The following CNTNAP2 variants were observed in gnomAD, a reference collection of about 807,000 sequenced individuals.
CNTNAP2 encodes the protein contactin-associated protein-like 2.
In CNTNAP2, 98 loss-of-function variants were observed where a neutral mutation model predicts 155.2. The observed-to-expected ratio is 0.63, with a 90% confidence interval of 0.54 to 0.75. The LOEUF (loss-of-function observed/expected upper bound fraction) is 0.75. CNTNAP2 is among the 30% of genes least tolerant of loss of function. The pLI is 0.00. For missense variants in CNTNAP2, 1,727 were observed against 1,688.1 expected, an observed-to-expected ratio of 1.02 and a Z score of -0.40; for synonymous variants, 651 against 631.2, an observed-to-expected ratio of 1.03 and a Z score of -0.47.
intron 21 of CNTNAP2, among the ~76,000 whole-genome samples, chr7:148,379,335 C>T (rs1432516973): frequency 6.6e-6 from 1 of 152,036 alleles, no homozygotes; most frequent in Non-Finnish European, 1.5e-5. Context: ...CCATGGAATA[C>T]ACAAGAAGAA....
At chr7:146,576,030 C>T (rs1389471662) in intron 1 of CNTNAP2, among the ~76,000 whole-genome samples, 1 of 152,172 alleles carries the variant, frequency 6.6e-6, no homozygotes, top group Non-Finnish European at 1.5e-5. Context: ...GTGCTGGCAT[C>T]TGGCCTGAAA....
At chr7:147,892,654 C>T (rs543484737) in intron 13 of CNTNAP2, among the ~76,000 whole-genome samples, 1 of 152,304 alleles carries the variant, frequency 6.6e-6, no homozygotes, top group South Asian at 2.1e-4. Flanking sequence ...TTTGATTCTA[C>T]TGCATCAAAT....
chr7:146,661,250 C>G (rs1025627649), intron 1 of CNTNAP2, among the ~76,000 whole-genome samples: 10 of 152,018 alleles, frequency 6.6e-5, no homozygotes, highest in Admixed American at 2.0e-4. Context: ...CACACTTTCA[C>G]TAATTTTAAT....
chr7:146,229,394 G>A (rs530134989), intron 1 of CNTNAP2, among the ~76,000 whole-genome samples: 1 of 152,160 alleles, frequency 6.6e-6, no homozygotes, highest in African/African-American at 2.4e-5. Context: ...CAGATGCTAC[G>A]AGGACACCCC....
intron 4 of CNTNAP2, among the ~76,000 whole-genome samples, chr7:147,103,629 T>C (rs1800697145): frequency 2.0e-5 from 3 of 152,038 alleles, no homozygotes; most frequent in African/African-American, 7.2e-5. Context: ...AAATTTAAAG[T>C]TCCAAATTTA....
intron 11 of CNTNAP2, among the ~76,000 whole-genome samples, chr7:147,534,981 T>C (rs567823632): frequency 1.9e-4 from 29 of 152,296 alleles, no homozygotes; most frequent in African/African-American, 7.0e-4. Context: ...GTCTGGGGCC[T>C]GACTCTTCCC....
chr7:146,871,054 T>A (rs184701715), intron 3 of CNTNAP2, among the ~76,000 whole-genome samples: 1 of 152,326 alleles, frequency 6.6e-6, no homozygotes, highest in East Asian at 1.9e-4. Flanking sequence ...GAGATCTGTG[T>A]GTGAAATGTA....
At chr7:147,991,621 T>C (rs1461130519) in intron 15 of CNTNAP2, among the ~76,000 whole-genome samples, 2 of 152,220 alleles carry the variant, frequency 1.3e-5, no homozygotes, top group Non-Finnish European at 2.9e-5. Flanking sequence ...ATACATTCTT[T>C]GGCAATTCTA....
chr7:146,695,637 G>A (rs923894123), intron 1 of CNTNAP2, among the ~76,000 whole-genome samples: 1 of 151,870 alleles, frequency 6.6e-6, no homozygotes, highest in African/African-American at 2.4e-5. Flanking sequence ...GTGTTGCCTA[G>A]TCTGGTCTTG....
intron 1 of CNTNAP2, among the ~76,000 whole-genome samples, chr7:146,672,015 CA>C (rs919728323): frequency 1.6e-4 from 24 of 152,078 alleles, no homozygotes; most frequent in African/African-American, 5.8e-4. Flanking sequence ...GGGGTTTCAC[CA>C]TCTTGGCCAG....
intron 1 of CNTNAP2, among the ~76,000 whole-genome samples, chr7:146,545,436 C>T (rs139362378): frequency 1.6e-4 from 25 of 151,714 alleles, no homozygotes; most frequent in African/African-American, 4.6e-4. Flanking sequence ...TGGTTGGCTG[C>T]ACCCATCAAC....
intron 5 of CNTNAP2, among the ~76,000 whole-genome samples, chr7:147,110,020 G>A (rs1800844728): frequency 6.6e-6 from 1 of 152,054 alleles, no homozygotes; most frequent in African/African-American, 2.4e-5. Flanking sequence ...TGCCTCCCAG[G>A]CTTAAGTGAT....
chr7:148,272,706 A>C (rs1334472253), intron 21 of CNTNAP2, among the ~76,000 whole-genome samples: 2 of 152,212 alleles, frequency 1.3e-5, no homozygotes, highest in Non-Finnish European at 2.9e-5. Context: ...GAAAAAACTT[A>C]GGAAATTGGT....
chr7:146,241,072 T>C (rs560472868), intron 1 of CNTNAP2, among the ~76,000 whole-genome samples: 1 of 152,218 alleles, frequency 6.6e-6, no homozygotes, highest in African/African-American at 2.4e-5. Context: ...CACTCAGTAT[T>C]GCCAAGATAG....
chr7:146,953,212 AG>A (rs1472810949), intron 3 of CNTNAP2, among the ~76,000 whole-genome samples: 4 of 152,006 alleles, frequency 2.6e-5, no homozygotes, highest in African/African-American at 4.8e-5. Context: ...TGGTCTTATA[AG>A]CATTTTTGCT....
chr7:147,401,326 C>A (rs887116810), intron 10 of CNTNAP2, among the ~76,000 whole-genome samples: 6 of 152,102 alleles, frequency 3.9e-5, no homozygotes, highest in African/African-American at 1.4e-4. Context: ...TATGAATAGA[C>A]TAGATCCTAT....
At chr7:147,483,215 GA>G (rs1290892877) in intron 10 of CNTNAP2, among the ~76,000 whole-genome samples, 1 of 112,924 alleles carries the variant, frequency 8.9e-6, no homozygotes, top group Non-Finnish European at 1.9e-5. Flanking sequence ...ATGGCAAATA[GA>G]AAAAAATTAA....
At chr7:146,906,681 A>G (rs1796135953) in intron 3 of CNTNAP2, among the ~76,000 whole-genome samples, 1 of 152,220 alleles carries the variant, frequency 6.6e-6, no homozygotes, top group South Asian at 2.1e-4. Context: ...CCAAAAGTAG[A>G]TAAAACCACA....
At chr7:147,230,776 TCTC>T (rs768638570) in intron 8 of CNTNAP2, among the ~76,000 whole-genome samples, 24 of 152,304 alleles carry the variant, frequency 1.6e-4, no homozygotes, top group South Asian at 8.3e-4. Flanking sequence ...CAACCACTAT[TCTC>T]CTCTTTGTTT....
Sources: gnomAD v4.1 joint callset for allele counts (sites outside exome capture counted in the v4.1 genomes callset) on GRCh38, gnomAD v4.1.1 for gene constraint, MANE v1.5 for transcripts, NCBI Gene and HGNC (gene_info 2026-07-23, HGNC 2026-07-21) for gene names.